The following PTPN11 variants were observed in gnomAD, a reference collection of about 807,000 sequenced individuals.
PTPN11 encodes the protein tyrosine-protein phosphatase non-receptor type 11.
PTPN11 carries 6 observed loss-of-function variants against 78.8 expected under a neutral mutation model. The ratio of observed to expected loss-of-function variants is 0.08; its 90% CI spans 0.04 to 0.15. The LOEUF is 0.15. Ranked by LOEUF, PTPN11 falls within the 10% of genes least tolerant of loss-of-function variation. The pLI, the probability that PTPN11 is intolerant of heterozygous loss-of-function variation, is 1.00. For missense variants in PTPN11, 386 were observed against 744.8 expected, an observed-to-expected ratio of 0.52 and a Z score of 5.61; for synonymous variants, 221 against 263.5, an observed-to-expected ratio of 0.84 and a Z score of 1.56.
intron 1 of PTPN11, among the ~76,000 whole-genome samples, chr12:112,441,313 G>A (rs905912448): frequency 1.3e-5 from 2 of 151,222 alleles, no homozygotes; most frequent in African/African-American, 4.9e-5. Flanking sequence ...CTAGGCTGGA[G>A]TGCAGTGGTG....
chr12:112,492,552 C>G (rs914071445), intron 13 of PTPN11, among the ~76,000 whole-genome samples: 2 of 151,004 alleles, frequency 1.3e-5, no homozygotes, highest in African/African-American at 2.4e-5. Flanking sequence ...GAGTCTCGCA[C>G]CGTCTCCCAG....
intron 6 of PTPN11, among the ~76,000 whole-genome samples, chr12:112,469,499 A>G (rs2038381014): frequency 6.6e-6 from 1 of 152,098 alleles, no homozygotes; most frequent in Non-Finnish European, 1.5e-5. Flanking sequence ...TTGTGCAAGT[A>G]AGGGCAATTT....
chr12:112,500,568 G>A (rs2038862848), intron 13 of PTPN11, among the ~76,000 whole-genome samples: 1 of 152,062 alleles, frequency 6.6e-6, no homozygotes, highest in African/African-American at 2.4e-5. Flanking sequence ...TTTAACAGAG[G>A]CAAATAGTAT....
intron 3 of PTPN11, among the ~76,000 whole-genome samples, chr12:112,450,829 G>C (rs2038069401): frequency 6.6e-6 from 1 of 152,250 alleles, no homozygotes; most frequent in Non-Finnish European, 1.5e-5. Flanking sequence ...AGTTATTAGA[G>C]GAAAACAAAT....
intron 10 of PTPN11, among the ~76,000 whole-genome samples, chr12:112,485,297 G>C (rs979022414): frequency 2.0e-5 from 3 of 152,128 alleles, no homozygotes; most frequent in Non-Finnish European, 4.4e-5. Flanking sequence ...ACATATATAG[G>C]AAGAAGATGT....
intron 10 of PTPN11, among the ~76,000 whole-genome samples, chr12:112,484,770 C>T (rs1387452526): frequency 6.6e-6 from 1 of 152,080 alleles, no homozygotes; most frequent in Non-Finnish European, 1.5e-5. Flanking sequence ...GCCTGTAATC[C>T]CAGCATATTG....
intron 9 of PTPN11, among the ~76,000 whole-genome samples, chr12:112,478,592 A>G (rs1336362512): frequency 8.5e-5 from 13 of 152,052 alleles, no homozygotes; most frequent in Admixed American, 8.5e-4. Context: ...GCAATATGTC[A>G]TCCGCTCTTA....
chr12:112,419,333 C>T (rs1196528808), intron 1 of PTPN11, among the ~76,000 whole-genome samples: 1 of 152,160 alleles, frequency 6.6e-6, no homozygotes, highest in Non-Finnish European at 1.5e-5. Flanking sequence ...CATTCATTTC[C>T]TGCCTCCCCG....
At chr12:112,460,734 C>T (rs1566172776) in intron 6 of PTPN11, among the ~76,000 whole-genome samples, 3 of 152,060 alleles carry the variant, frequency 2.0e-5, no homozygotes, top group Non-Finnish European at 4.4e-5. Context: ...CCCAGCTACT[C>T]GGGAGGCTGA....
intron 13 of PTPN11, among the ~76,000 whole-genome samples, chr12:112,490,034 C>T (rs1343589398): frequency 6.6e-6 from 1 of 152,110 alleles, no homozygotes; most frequent in Non-Finnish European, 1.5e-5. Context: ...CACAGACATA[C>T]GGGATTGTTT....
intron 5 of PTPN11, among the ~76,000 whole-genome samples, chr12:112,455,202 T>A (rs2038139786): frequency 6.6e-6 from 1 of 151,480 alleles, no homozygotes; most frequent in African/African-American, 2.4e-5. Context: ...ATTATTCCCA[T>A]ATTTATCTGT....
chr12:112,466,904 C>G lies in PTPN11; in HGVS notation c.757-6040C>G, dbSNP rs141064676. On this transcript the variant is annotated intron_variant, in intron 6 of 15. Transcript: ENST00000351677. The stretch of plus-strand genomic sequence containing the variant: ...GCCAGTTTATTTTCTGTCTGCCTCT[C>G]TCCTTGGTCCTTTTCCTCCACTTTC... Among the ~76,000 whole-genome samples the G allele has an allele frequency of 2.3e-3, 349 of 152,070 alleles. 9 individuals carry two copies. The East Asian group carries it at 0.061, about 27-fold the overall frequency.
intron 6 of PTPN11, among the ~76,000 whole-genome samples, chr12:112,459,532 T>C (rs939744733): frequency 6.6e-6 from 1 of 151,990 alleles, no homozygotes; most frequent in African/African-American, 2.4e-5. Flanking sequence ...TGTGGCTTGA[T>C]CTTGGCTCAC....
At chr12:112,467,159 A>G (rs2038340549) in intron 6 of PTPN11, among the ~76,000 whole-genome samples, 1 of 152,064 alleles carries the variant, frequency 6.6e-6, no homozygotes, top group Non-Finnish European at 1.5e-5. Flanking sequence ...ACAGTAGTGG[A>G]GTAGTGCCGT....
intron 1 of PTPN11, among the ~76,000 whole-genome samples, chr12:112,442,873 T>TATATAA (rs1566162803): frequency 2.6e-5 from 2 of 78,300 alleles, no homozygotes; most frequent in African/African-American, 6.3e-5. Context: ...TATATATATA[T>TATATAA]ATATAAATTA....
intron 11 of PTPN11, among the ~76,000 whole-genome samples, chr12:112,487,972 C>T (rs1341728164): frequency 1.3e-5 from 2 of 151,964 alleles, no homozygotes; most frequent in Non-Finnish European, 2.9e-5. Context: ...TTAGTAGAGA[C>T]GAGGTTTTGC....
chr12:112,485,107 C>T (rs1319006378), intron 10 of PTPN11, among the ~76,000 whole-genome samples: 1 of 151,860 alleles, frequency 6.6e-6, no homozygotes, highest in African/African-American at 2.4e-5. Flanking sequence ...CTAAAATTAG[C>T]TGGATGTGGT....
chr12:112,503,541 C>T (rs1214678191), intron 14 of PTPN11, among the ~76,000 whole-genome samples: 1 of 152,052 alleles, frequency 6.6e-6, no homozygotes, highest in Non-Finnish European at 1.5e-5. Context: ...TCCAAGTTGC[C>T]ACTTCTTTCT....
At chr12:112,461,669 T>C (rs2038250860) in intron 6 of PTPN11, among the ~76,000 whole-genome samples, 1 of 152,088 alleles carries the variant, frequency 6.6e-6, no homozygotes, top group Non-Finnish European at 1.5e-5. Context: ...GGTCGTATTA[T>C]GTTGCTCAGG....
Sources: allele counts gnomAD v4.1 joint callset (sites outside exome capture counted in the v4.1 genomes callset), GRCh38; gene constraint gnomAD v4.1.1; transcripts MANE v1.5; gene names NCBI Gene and HGNC (gene_info 2026-07-23, HGNC 2026-07-21).